The following RUVBL2 variants were observed in gnomAD, a reference collection of about 807,000 sequenced individuals.
RUVBL2 encodes RuvB like AAA ATPase 2.
In RUVBL2, 9 loss-of-function variants were observed where a neutral mutation model predicts 57.9. The ratio of observed to expected loss-of-function variants is 0.16; its 90% CI spans 0.09 to 0.27. The LOEUF (loss-of-function observed/expected upper bound fraction) is 0.27, where lower values mean the gene tolerates loss of function less well. Ranked by LOEUF, RUVBL2 falls within the 10% of genes least tolerant of loss-of-function variation. The pLI is 1.00. For missense variants in RUVBL2, 456 were observed against 669.6 expected, an observed-to-expected ratio of 0.68 and a Z score of 3.52; for synonymous variants, 278 against 264.6, an observed-to-expected ratio of 1.05 and a Z score of -0.49.
chr19:49,007,429 T>C, intron 6 of RUVBL2, 61 bp downstream of exon 6: 2 of 1,483,442 alleles, frequency 1.3e-6, no homozygotes, highest in African/African-American at 1.4e-5. Context: ...TTGGAGAGAG[T>C]AGATATCAGG....
rs1045716742 is a variant in RUVBL2 at position 49,003,772 on chromosome 19, G to GA, written c.123+451dup. Among the ~76,000 whole-genome samples the GA allele has an allele frequency of 4.6e-3, 619 of 134,978 alleles. 4 individuals carry two copies. Among genetic ancestry groups the GA allele is most frequent in the African/African-American group, 0.015 (536 of 36,676 alleles). The allele number at this position is 134,978 out of a possible 152,430, so 88.6% of individuals were successfully genotyped here. The stretch of plus-strand genomic sequence containing the variant: ...GCCCTCCAGCCTGGGTGACATCTCG[G>GA]AAAAAAAAAAAAAGAATTGGGAGTG... On this transcript the variant is annotated intron_variant, in intron 3 of 14. Transcript: ENST00000595090.
chr19:49,015,399 C>T (rs935087903), intron 13 of RUVBL2, 173 bp from the exon 14 acceptor site: 5 of 711,452 alleles, frequency 7.0e-6, no homozygotes, highest in South Asian at 1.8e-5. Flanking sequence ...AGAGGCTGGG[C>T]CCACAACAAG....
chr19:49,011,051 G>A lies in RUVBL2; in HGVS notation c.840G>A (p.Val280=). 2 of 1,613,492 alleles carry A rather than the reference G, an allele frequency of 1.2e-6. No homozygotes were observed. The highest frequency in any genetic ancestry group is 8.5e-7 in the Non-Finnish European group (1 of 1,179,934). ...SEVREQINAK[V]AEWREEGKAE... ...TCCGTGAGCAGATCAATGCCAAGGT[G>A]GCTGAGTGGCGCGAGGAGGGCAAGG... The change falls in exon 10 of 15, where the codon GTG becomes GTA. Residue 280 remains valine (V), a synonymous_variant. Transcript: ENST00000595090. The surrounding 1 kb of genome is among the most constrained non-coding windows in gnomAD (Gnocchi z 4.4).
chr19:49,003,641 G>A (rs2039226198), intron 3 of RUVBL2, among the ~76,000 whole-genome samples: 2 of 152,050 alleles, frequency 1.3e-5, no homozygotes, highest in East Asian at 1.9e-4. Flanking sequence ...AAAATTAGCC[G>A]GGCATGGTGG....
At chr19:49,005,300 G>C (rs951737168) in intron 4 of RUVBL2, among the ~76,000 whole-genome samples, 2 of 152,212 alleles carry the variant, frequency 1.3e-5, no homozygotes, top group African/African-American at 4.8e-5. Context: ...TGGGGTGCTC[G>C]GACTGGACAC....
At chr19:49,015,972 C>T (rs773260282), downstream of RUVBL2, 51 of 1,614,078 alleles carry the variant, frequency 3.2e-5, no homozygotes, top group South Asian at 1.4e-4. Flanking sequence ...AGAAAGACAC[C>T]TCCAGAGTGC....
intron 6 of RUVBL2, among the ~76,000 whole-genome samples, chr19:49,009,371 C>T (rs1165630754): frequency 2.0e-5 from 3 of 151,376 alleles, no homozygotes; most frequent in South Asian, 2.1e-4. Context: ...CCTGTAGTCC[C>T]AGCTACTCGG....
intron 6 of RUVBL2, among the ~76,000 whole-genome samples, chr19:49,009,274 GTCAGGAGA>G (rs1417107806): frequency 6.7e-6 from 1 of 149,964 alleles, no homozygotes; most frequent in Non-Finnish European, 1.5e-5. Flanking sequence ...AGATCACAAG[GTCAGGAGA>G]TCGAGACCAT....
At chr19:49,013,267 T>C (rs550317383) in intron 11 of RUVBL2, among the ~76,000 whole-genome samples, 1 of 151,346 alleles carries the variant, frequency 6.6e-6, no homozygotes, top group Non-Finnish European at 1.5e-5. Context: ...CGGCCTAATT[T>C]TTTTTTTTTT....
At chr19:48,998,337 A>G (rs1600168673) in intron 1 of RUVBL2, among the ~76,000 whole-genome samples, 1 of 152,300 alleles carries the variant, frequency 6.6e-6, no homozygotes. Context: ...GGGCCAGAGC[A>G]TGTCCAGCTC....
intron 2 of RUVBL2, among the ~76,000 whole-genome samples, chr19:49,000,603 G>A (rs1265343738): frequency 6.6e-6 from 1 of 151,630 alleles, no homozygotes; most frequent in African/African-American, 2.4e-5. Context: ...TGTAGCTCAC[G>A]CCTGTAATCC....
At chr19:49,005,670 C>G (rs537917200) in intron 4 of RUVBL2, among the ~76,000 whole-genome samples, 1 of 150,520 alleles carries the variant, frequency 6.6e-6, no homozygotes, top group East Asian at 1.9e-4. Flanking sequence ...CAGTTTCACT[C>G]TGTCGCTCAG....
At chr19:48,997,036 A>G (rs1160331843) in intron 1 of RUVBL2, among the ~76,000 whole-genome samples, 2 of 151,870 alleles carry the variant, frequency 1.3e-5, no homozygotes, top group African/African-American at 4.8e-5. Context: ...CATTTAAAGT[A>G]TACAGCTCAG....
rs74883210 is a variant in RUVBL2 at position 49,008,060 on chromosome 19, T to A, written c.462+692T>A. 4.0e-3 allele frequency among the ~76,000 whole-genome samples: 586 copies of A among 146,806 alleles called. 4 individuals are homozygous for A. Among genetic ancestry groups the A allele is most frequent in the Non-Finnish European group, 6.8e-3 (452 of 66,684 alleles). ...CAATTTCTGTTTTCTCCTTTTTGCA[T>A]AGCTGTGTTTTCTGATTTTGTGATC... is the stretch of plus-strand genomic sequence containing the variant. On this transcript the variant is annotated intron_variant, in intron 6 of 14. Coordinates refer to ENST00000595090, the MANE Select transcript of RUVBL2 (RefSeq NM_006666.3).
rs549922340 is a variant in RUVBL2 at position 48,999,506 on chromosome 19, C to G, written c.67+133C>G. On this transcript the variant is annotated intron_variant, in intron 2 of 14. Transcript: ENST00000595090. ...CAACTGTGCCCCCACTACCATTCCCCCACTCGCCCTATCTAATGGGGGAGG... is the reference window on the plus strand; with the variant it reads ...CAACTGTGCCCCCACTACCATTCCCGCACTCGCCCTATCTAATGGGGGAGG... 24 of 868,582 alleles carry G rather than the reference C, an allele frequency of 2.8e-5. No individual in the cohort carries two copies. The East Asian group carries it at 6.1e-4, about 22-fold the overall frequency. The allele number at this position is 868,582 out of a possible 1,614,324, so 53.8% of individuals were successfully genotyped here. A position where few individuals can be genotyped will look rare whatever the true frequency, so the allele number is the denominator to read the frequency against.
intron 3 of RUVBL2, 26 bp downstream of exon 3, chr19:49,003,360 A>G: frequency 6.2e-7 from 1 of 1,611,408 alleles, no homozygotes; most frequent in Non-Finnish European, 8.5e-7. Context: ...CTGGGGTGTG[A>G]GGGCCTCTCC....
chr19:49,010,738 C>T (rs1427338023), intron 9 of RUVBL2, 127 bp downstream of exon 9: 43 of 1,370,076 alleles, frequency 3.1e-5, no homozygotes, highest in Middle Eastern at 2.1e-4. Flanking sequence ...AACTCCGGCC[C>T]GTGGCTGCCT....
At chr19:48,999,541 A>G (rs1463503006) in intron 2 of RUVBL2, among the ~76,000 whole-genome samples, 168 bp downstream of exon 2, 1 of 152,170 alleles carries the variant, frequency 6.6e-6, no homozygotes, top group Non-Finnish European at 1.5e-5. Flanking sequence ...GAGGATCCTC[A>G]GTTCCAGAGT....
chr19:48,993,838 G>A (rs1406297625), upstream of RUVBL2: 1 of 1,583,786 alleles, frequency 6.3e-7, no homozygotes, highest in Non-Finnish European at 8.7e-7. Flanking sequence ...GAACCAGCTA[G>A]CCTAGAGGAG....
Sources: allele counts gnomAD v4.1 joint callset (sites outside exome capture counted in the v4.1 genomes callset), GRCh38; gene constraint gnomAD v4.1.1; non-coding constraint Gnocchi (gnomAD v3.1); transcripts MANE v1.5; gene names NCBI Gene and HGNC (gene_info 2026-07-23, HGNC 2026-07-21).